The following GRM5 variants were observed in gnomAD, a reference collection of about 807,000 sequenced individuals.
GRM5 encodes the protein metabotropic glutamate receptor 5.
A neutral mutation model predicts 83.1 loss-of-function variants in GRM5; 19 were observed. The observed-to-expected ratio is 0.23, with a 90% CI of 0.16 to 0.34. The LOEUF (loss-of-function observed/expected upper bound fraction) is 0.34, where lower values mean the gene tolerates loss of function less well. Among genes scored for constraint, GRM5 ranks in the 10% least tolerant of loss-of-function variants. The pLI, the probability that GRM5 is intolerant of heterozygous loss-of-function variation, is 1.00. For missense variants in GRM5, 1,160 were observed against 1,588.3 expected (o/e 0.73, Z 4.58); for synonymous variants, 675 against 633.6 (o/e 1.07, Z -0.98).
At chr11:88,679,945 C>A (rs1414755873) in intron 3 of GRM5, among the ~76,000 whole-genome samples, 1 of 150,102 alleles carries the variant, frequency 6.7e-6, no homozygotes, top group Non-Finnish European at 1.5e-5. Context: ...AACAAATAGA[C>A]AAAAACGCCT....
intron 3 of GRM5, among the ~76,000 whole-genome samples, chr11:88,668,297 GCACACACACACACACACACACACACA>G (rs72052705): frequency 1.5e-5 from 2 of 130,034 alleles, no homozygotes; most frequent in South Asian, 2.6e-4. Context: ...CCAGAAACTC[GCACACACACACACACACACACACACA>G]CACACACACA....
intron 7 of GRM5, among the ~76,000 whole-genome samples, chr11:88,569,323 C>T (rs1211034778): frequency 1.3e-5 from 2 of 152,110 alleles, no homozygotes; most frequent in Non-Finnish European, 2.9e-5. Context: ...GGAAAGGAGG[C>T]AAGTAATCTG....
intron 3 of GRM5, among the ~76,000 whole-genome samples, chr11:88,820,296 A>AC (rs1943764713): frequency 7.0e-6 from 1 of 143,614 alleles, no homozygotes; most frequent in African/African-American, 2.7e-5. Context: ...AATGGTGTGA[A>AC]CCCGGGAGGC....
chr11:88,725,435 C>A (rs182718195), intron 3 of GRM5, among the ~76,000 whole-genome samples: 1 of 152,114 alleles, frequency 6.6e-6, no homozygotes, highest in East Asian at 1.9e-4. Context: ...AGCACCTGGG[C>A]GAAGGGGTGA....
At chr11:88,747,534 A>G (rs1183804576) in intron 3 of GRM5, among the ~76,000 whole-genome samples, 1 of 152,206 alleles carries the variant, frequency 6.6e-6, no homozygotes, top group Admixed American at 6.5e-5. Context: ...AGATACACAC[A>G]GTAAAGTGTA....
intron 3 of GRM5, among the ~76,000 whole-genome samples, chr11:88,729,783 G>A (rs1212957446): frequency 6.6e-6 from 1 of 152,114 alleles, no homozygotes; most frequent in Non-Finnish European, 1.5e-5. Flanking sequence ...ATGGGGAAAG[G>A]ATCTCCTATT....
intron 3 of GRM5, among the ~76,000 whole-genome samples, chr11:88,733,942 C>T (rs946391439): frequency 6.6e-6 from 1 of 152,058 alleles, no homozygotes; most frequent in Middle Eastern, 3.4e-3. Flanking sequence ...TTCTAGATCA[C>T]TAGTTTCCTG....
chr11:88,641,350 A>G (rs1188101245), intron 4 of GRM5, among the ~76,000 whole-genome samples: 1 of 151,942 alleles, frequency 6.6e-6, no homozygotes, highest in Non-Finnish European at 1.5e-5. Context: ...GGGGATTACA[A>G]TTTGACATGA....
Position 88,957,692 on chromosome 11 carries a change from T to C in GRM5, c.661+89520A>G, listed in dbSNP as rs187661607. On this transcript the variant is annotated intron_variant, in intron 2 of 9. Transcript: ENST00000305447. ...ACTAACAGGATCATATCAGAAAGAA[T>C]GAAGATAATTTCTCTCTATTACATT... 8.2e-4 allele frequency among the ~76,000 whole-genome samples: 125 copies of C among 152,304 alleles called. No homozygotes were observed. The East Asian group carries it at 0.024, about 29-fold the overall frequency.
chr11:88,795,148 A>G (rs1038902847), intron 3 of GRM5, among the ~76,000 whole-genome samples: 8 of 152,248 alleles, frequency 5.3e-5, no homozygotes, highest in African/African-American at 1.4e-4. Context: ...AGGGATTGAG[A>G]TCTCCACATG....
rs183209144 is a variant in GRM5, at chr11:88,886,285, C to G, written c.662-36130G>C. On this transcript the variant is annotated intron_variant, in intron 2 of 9. Transcript: ENST00000305447. ...GATGACAAACCCTGGGTTTACACCC[C>G]AGACATAGCTGCTTTATAATGGGGG... Among the ~76,000 whole-genome samples, 333 of 152,284 alleles carry G rather than the reference C, an allele frequency of 2.2e-3. 4 individuals are homozygous for G. The highest frequency in any genetic ancestry group is 2.4e-3 in the Non-Finnish European group (163 of 68,026).
chr11:88,606,554 CTG>C (rs1938147500), intron 4 of GRM5, among the ~76,000 whole-genome samples: 1 of 152,150 alleles, frequency 6.6e-6, no homozygotes, highest in African/African-American at 2.4e-5. Flanking sequence ...AAAAAGATTA[CTG>C]CATTTTATGA....
At chr11:88,750,458 A>C (rs1024125510) in intron 3 of GRM5, among the ~76,000 whole-genome samples, 1 of 152,200 alleles carries the variant, frequency 6.6e-6, no homozygotes, top group Non-Finnish European at 1.5e-5. Flanking sequence ...AGAGACCTCC[A>C]AAGAGACTTA....
At chr11:88,901,278 ATGT>A (rs1181100618) in intron 2 of GRM5, among the ~76,000 whole-genome samples, 6 of 152,146 alleles carry the variant, frequency 3.9e-5, no homozygotes, top group African/African-American at 1.4e-4. Context: ...ATTGACTTTG[ATGT>A]TGTTATATCC....
intron 2 of GRM5, among the ~76,000 whole-genome samples, chr11:89,029,547 T>C (rs1282822386): frequency 1.3e-5 from 2 of 152,210 alleles, no homozygotes; most frequent in East Asian, 3.8e-4. Flanking sequence ...TCTAGTTTTC[T>C]ATCACCAGCA....
At chr11:88,546,188 T>C (rs1942382486) in intron 8 of GRM5, among the ~76,000 whole-genome samples, 1 of 152,044 alleles carries the variant, frequency 6.6e-6, no homozygotes. Flanking sequence ...TATCTAAACA[T>C]ATCTAAAATT....
At chr11:89,054,572 T>C (rs947254205) in intron 1 of GRM5, among the ~76,000 whole-genome samples, 1 of 152,140 alleles carries the variant, frequency 6.6e-6, no homozygotes, top group Non-Finnish European at 1.5e-5. Context: ...GCCATGAAAC[T>C]GGATTAAATC....
At chr11:88,561,620 C>T (rs1020857848) in intron 8 of GRM5, among the ~76,000 whole-genome samples, 3 of 152,210 alleles carry the variant, frequency 2.0e-5, no homozygotes, top group Non-Finnish European at 2.9e-5. Flanking sequence ...ATGCCTTAAA[C>T]GGAAGCCTGG....
At chr11:88,837,734 A>C (rs1457343824) in intron 3 of GRM5, among the ~76,000 whole-genome samples, 1 of 152,112 alleles carries the variant, frequency 6.6e-6, no homozygotes, top group African/African-American at 2.4e-5. Context: ...CTCCCACGTC[A>C]ACTGGTATTA....
Sources: gnomAD v4.1 joint callset for allele counts (sites outside exome capture counted in the v4.1 genomes callset) on GRCh38, gnomAD v4.1.1 for gene constraint, MANE v1.5 for transcripts, NCBI Gene and HGNC (gene_info 2026-07-23, HGNC 2026-07-21) for gene names.